SV2C: variants seen among roughly 807,000 people sequenced by gnomAD.
SV2C encodes the protein synaptic vesicle glycoprotein 2C.
Under a neutral mutation model 79.7 loss-of-function variants are expected in SV2C, and 49 were observed. The observed-to-expected ratio is 0.61, with a 90% CI of 0.49 to 0.78. The LOEUF is 0.78. SV2C is among the 30% of genes least tolerant of loss of function. The pLI is 0.00. For synonymous variants in SV2C, 334 were observed against 333.2 expected (o/e 1.00, Z -0.03); for missense variants, 833 against 912.9 (o/e 0.91, Z 1.13).
downstream of SV2C, among the ~76,000 whole-genome samples, chr5:76,336,912 G>A (rs1052324829): frequency 6.6e-6 from 1 of 152,198 alleles, no homozygotes; most frequent in African/African-American, 2.4e-5. Context: ...TTTAGCAAAA[G>A]TCATTGCGAG....
At chr5:75,880,033 T>A in the SV2C span, among the ~76,000 whole-genome samples, 1 of 152,194 alleles carries the variant, frequency 6.6e-6, no homozygotes, top group Non-Finnish European at 1.5e-5. Flanking sequence ...CTTTGAGCCA[T>A]GGCTGGAGCT....
chr5:75,909,170 C>T, the SV2C span, among the ~76,000 whole-genome samples: 1 of 152,196 alleles, frequency 6.6e-6, no homozygotes, highest in African/African-American at 2.4e-5. Context: ...ACACTGATTT[C>T]CACGGTGCCA....
chr5:76,242,374 G>A lies in SV2C; in HGVS notation c.913+32487G>A, dbSNP rs1417083001. ...CGCGCGGGCTTTGGTCGGACCGGGG[G>A]TCGTTCTCGCCTCTTCTTCACACTG... is the stretch of plus-strand genomic sequence containing the variant. On this transcript the variant is annotated intron_variant, in intron 4 of 12. Transcript: ENST00000502798. The A allele has an allele frequency of 9.2e-6, 9 of 977,296 alleles. No individual in the cohort carries two copies. In the South Asian group the frequency reaches 1.2e-4, roughly 13 times the overall value. The allele number at this position is 977,296 out of a possible 1,614,324, so 60.5% of individuals were successfully genotyped here.
At chr5:75,867,276 G>A in the SV2C span, among the ~76,000 whole-genome samples, 6 of 152,286 alleles carry the variant, frequency 3.9e-5, no homozygotes, top group East Asian at 1.2e-3. Context: ...AGGGCATGGT[G>A]GGATGTGTGT....
chr5:76,298,404 T>C (rs1464640063), intron 9 of SV2C, among the ~76,000 whole-genome samples: 1 of 152,150 alleles, frequency 6.6e-6, no homozygotes, highest in African/African-American at 2.4e-5. Context: ...TTAGAGCCAT[T>C]AACCCCAAAT....
At chr5:76,027,714 A>C in the SV2C span, among the ~76,000 whole-genome samples, 1 of 152,326 alleles carries the variant, frequency 6.6e-6, no homozygotes, top group Non-Finnish European at 1.5e-5. Context: ...AGTTACTTAG[A>C]AACAGTTTGA....
chr5:76,130,758 T>C (rs573179341), intron 1 of SV2C, among the ~76,000 whole-genome samples: 2 of 152,242 alleles, frequency 1.3e-5, no homozygotes, highest in East Asian at 3.9e-4. Flanking sequence ...GTCCAGACTT[T>C]ACTACCAAAA....
chr5:75,869,710 T>G, the SV2C span, among the ~76,000 whole-genome samples: 1 of 152,286 alleles, frequency 6.6e-6, no homozygotes, highest in Middle Eastern at 3.4e-3. Context: ...TGAGACCCAG[T>G]GCTGGGCTGG....
At chr5:76,042,732 C>T in the SV2C span, among the ~76,000 whole-genome samples, 2 of 152,200 alleles carry the variant, frequency 1.3e-5, no homozygotes, top group Non-Finnish European at 2.9e-5. Context: ...TGCCATTGGA[C>T]CTCCTTTCTC....
At chr5:76,245,825 A>T (rs1745926327) in intron 4 of SV2C, among the ~76,000 whole-genome samples, 1 of 152,146 alleles carries the variant, frequency 6.6e-6, no homozygotes, top group Admixed American at 6.5e-5. Context: ...GTGATTAATC[A>T]AAGAAGACAA....
chr5:76,341,402 A>T (rs1205515993), intron 12 of SV2C, among the ~76,000 whole-genome samples: 1 of 152,116 alleles, frequency 6.6e-6, no homozygotes, highest in African/African-American at 2.4e-5. Flanking sequence ...ACAAAAACAC[A>T]TATGACCATG....
At chr5:76,274,774 A>T (rs1746973044) in intron 4 of SV2C, among the ~76,000 whole-genome samples, 1 of 151,914 alleles carries the variant, frequency 6.6e-6, no homozygotes, top group Non-Finnish European at 1.5e-5. Flanking sequence ...CATCTGGTTA[A>T]ATCTGGTGGA....
At chr5:76,174,784 A>G (rs563565743) in intron 2 of SV2C, among the ~76,000 whole-genome samples, 1 of 152,332 alleles carries the variant, frequency 6.6e-6, no homozygotes, top group South Asian at 2.1e-4. Flanking sequence ...TATGTCTCCA[A>G]ATGTGGACAT....
chr5:75,979,809 C>T, the SV2C span, among the ~76,000 whole-genome samples: 1 of 151,892 alleles, frequency 6.6e-6, no homozygotes, highest in Non-Finnish European at 1.5e-5. Context: ...AACATCACAA[C>T]TAAAAAAATT....
chr5:75,871,061 T>A, the SV2C span, among the ~76,000 whole-genome samples: 1 of 152,298 alleles, frequency 6.6e-6, no homozygotes, highest in East Asian at 1.9e-4. Context: ...TTAGATGAGG[T>A]TTATTTCAGA....
At chr5:75,869,104 A>C in the SV2C span, among the ~76,000 whole-genome samples, 3 of 152,078 alleles carry the variant, frequency 2.0e-5, no homozygotes, top group Admixed American at 1.3e-4. Flanking sequence ...GGTGGGATAC[A>C]GCACCAAGTG....
chr5:75,991,871 T>C, the SV2C span, among the ~76,000 whole-genome samples: 3 of 151,826 alleles, frequency 2.0e-5, no homozygotes, highest in African/African-American at 7.3e-5. Context: ...TTTGTCTGCT[T>C]ATTCTGGTGT....
the SV2C span, among the ~76,000 whole-genome samples, chr5:75,974,968 T>A: frequency 6.6e-6 from 1 of 152,224 alleles, no homozygotes; most frequent in African/African-American, 2.4e-5. Flanking sequence ...AGAATTCAAG[T>A]CATAATAGTC....
chr5:76,285,642 GTATGTTCCAATGGGATGTACTGAGA>G, intron 5 of SV2C, 114 bp from the exon 6 acceptor site: 1 of 682,476 alleles, frequency 1.5e-6, no homozygotes, highest in Non-Finnish European at 2.5e-6. Flanking sequence ...CAAATAGTCT[GTATGTTCCAATGGGATGTACTGAGA>G]TACATTTGCA....
Sources: allele counts gnomAD v4.1 joint callset (sites outside exome capture counted in the v4.1 genomes callset), GRCh38; gene constraint gnomAD v4.1.1; transcripts MANE v1.5; gene names NCBI Gene and HGNC (gene_info 2026-07-23, HGNC 2026-07-21).